Variants in HS6ST3 observed in about 807,000 individuals in gnomAD.
HS6ST3 encodes the protein heparan-sulfate 6-O-sulfotransferase 3.
In HS6ST3, 12 loss-of-function variants were observed where a neutral mutation model predicts 36.7. That is an observed-to-expected ratio of 0.33 (90% confidence interval 0.21 to 0.53). The LOEUF is 0.53. HS6ST3 is among the 20% of genes least tolerant of loss of function. The probability of loss-of-function intolerance (pLI) is 0.95; values close to 1 mark genes in which losing one functional copy is unlikely to be tolerated. For missense variants in HS6ST3, 584 were observed against 640.9 expected, an observed-to-expected ratio of 0.91 and a Z score of 0.96; for synonymous variants, 240 against 257.5, an observed-to-expected ratio of 0.93 and a Z score of 0.65.
chr13:96,766,598 C>T (rs1330157776), intron 1 of HS6ST3, among the ~76,000 whole-genome samples: 3 of 152,140 alleles, frequency 2.0e-5, no homozygotes, highest in Admixed American at 6.5e-5. Flanking sequence ...GGAATCCTTT[C>T]ACTTGTAATC....
rs185765085 is a variant in HS6ST3, at chr13:96,558,219, C to T, written c.708-274271C>T. Among the ~76,000 whole-genome samples the T allele has an allele frequency of 3.8e-3, 575 of 152,234 alleles. 2 individuals carry two copies. The highest frequency in any genetic ancestry group is 0.02 in the Middle Eastern group (6 of 294). On this transcript the variant is annotated intron_variant, in intron 1 of 1. Transcript: ENST00000376705. ...ACCCATTCTTTGGGGAAAAAAAGTA[C>T]AGTTACAGCTTTAATTATCACCTAG...
chr13:96,373,943 T>A (rs935048535), intron 1 of HS6ST3, among the ~76,000 whole-genome samples: 2 of 152,168 alleles, frequency 1.3e-5, no homozygotes, highest in South Asian at 4.1e-4. Context: ...CCTTTTAGGG[T>A]TTGGACTATG....
At chr13:96,351,335 T>TTTTTTTTTTTTAAAA (rs1203595829) in intron 1 of HS6ST3, among the ~76,000 whole-genome samples, 1 of 146,366 alleles carries the variant, frequency 6.8e-6, no homozygotes, top group African/African-American at 2.6e-5. Flanking sequence ...TTTTTTTTTT[T>TTTTTTTTTTTTAAAA]AAAAAAAACA....
In HS6ST3 at chr13:96,833,061, C is replaced by T; in HGVS notation, c.1279C>T (p.His427Tyr). 1.2e-6 allele frequency: 2 copies of T among 1,613,108 alleles called. No homozygotes were observed. Among genetic ancestry groups the T allele is most frequent in the Non-Finnish European group, 1.7e-6 (2 of 1,180,004 alleles). ...QRYHHTKQLE[H>Y]QRDRQKRREE... Reference sequence around the variant, plus strand: ...CTACCACCACACCAAGCAGCTAGAGCACCAGAGGGACCGCCAGAAGCGGCG... The same window carrying T: ...CTACCACCACACCAAGCAGCTAGAGTACCAGAGGGACCGCCAGAAGCGGCG... The change falls in exon 2 of 2, where the codon CAC (histidine) becomes TAC (tyrosine). Residue 427 changes from histidine (H) to tyrosine (Y), a missense_variant. Physicochemically the swap from His to Tyr is moderately conservative, Grantham distance 83. Coordinates refer to ENST00000376705, the MANE Select transcript of HS6ST3 (RefSeq NM_153456.4).
chr13:96,290,776 G>C (rs986279089), intron 1 of HS6ST3, among the ~76,000 whole-genome samples: 1 of 152,168 alleles, frequency 6.6e-6, no homozygotes, highest in Non-Finnish European at 1.5e-5. Flanking sequence ...AAAAGCTAAA[G>C]TCCTTAAAAT....
At chr13:96,721,400 T>C (rs542943612) in intron 1 of HS6ST3, among the ~76,000 whole-genome samples, 1 of 152,304 alleles carries the variant, frequency 6.6e-6, no homozygotes, top group East Asian at 1.9e-4. Flanking sequence ...TTAATTAGAA[T>C]GTTTGCATAA....
At chr13:96,723,410 C>T (rs1875903630) in intron 1 of HS6ST3, among the ~76,000 whole-genome samples, 1 of 152,166 alleles carries the variant, frequency 6.6e-6, no homozygotes. Flanking sequence ...CTCCTGATGA[C>T]TCTACAGAGC....
intron 1 of HS6ST3, among the ~76,000 whole-genome samples, chr13:96,119,808 T>C (rs895174862): frequency 2.6e-5 from 4 of 151,516 alleles, no homozygotes; most frequent in Non-Finnish European, 5.9e-5. Flanking sequence ...TGAGGACTAA[T>C]GAGTCCTAAA....
At chr13:96,545,504 G>A (rs1233353447) in intron 1 of HS6ST3, among the ~76,000 whole-genome samples, 1 of 152,112 alleles carries the variant, frequency 6.6e-6, no homozygotes, top group Admixed American at 6.6e-5. Flanking sequence ...AAGAAGAGTG[G>A]GGTAACTCAG....
chr13:96,120,759 T>C (rs1299746497), intron 1 of HS6ST3, among the ~76,000 whole-genome samples: 1 of 152,212 alleles, frequency 6.6e-6, no homozygotes, highest in Non-Finnish European at 1.5e-5. Flanking sequence ...TAAATTTCTG[T>C]GTATGGAGCT....
Position 96,833,771 on chromosome 13 carries a change from T to C in HS6ST3, c.*573T>C, listed in dbSNP as rs1250190661. The C allele has an allele frequency of 6.6e-6, 1 of 152,506 alleles. No homozygotes were observed. The highest frequency in any genetic ancestry group is 6.5e-5 in the Admixed American group (1 of 15,306). 9.4% of individuals were successfully genotyped at this position (152,506 alleles called of 1,614,324 possible). ...AACGTGTTTTGTTGTTGCAGTTGTTTTGAAACAAAATTATCCTATTATTGA... is the reference window on the plus strand; with the variant it reads ...AACGTGTTTTGTTGTTGCAGTTGTTCTGAAACAAAATTATCCTATTATTGA... On this transcript the variant is annotated 3_prime_UTR_variant, in exon 2 of 2. Transcript: ENST00000376705.
intron 1 of HS6ST3, among the ~76,000 whole-genome samples, chr13:96,357,192 CATATTGACG>C (rs1157920686): frequency 1.3e-5 from 2 of 152,182 alleles, no homozygotes; most frequent in East Asian, 3.9e-4. Context: ...AAACTTTCTT[CATATTGACG>C]ATAAAACTGT....
At chr13:96,653,117 T>A (rs1023231179) in intron 1 of HS6ST3, among the ~76,000 whole-genome samples, 1 of 152,220 alleles carries the variant, frequency 6.6e-6, no homozygotes, top group South Asian at 2.1e-4. Flanking sequence ...AACTTCACTG[T>A]ATTATTCAGC....
chr13:96,683,538 G>A (rs1161521256), intron 1 of HS6ST3, among the ~76,000 whole-genome samples: 4 of 151,976 alleles, frequency 2.6e-5, no homozygotes. Flanking sequence ...CTTCGTCTCA[G>A]GCAAGTGCTA....
chr13:96,433,141 A>G (rs2055624213), intron 1 of HS6ST3, among the ~76,000 whole-genome samples: 1 of 152,208 alleles, frequency 6.6e-6, no homozygotes, highest in South Asian at 2.1e-4. Flanking sequence ...TAATAATTGA[A>G]TGATAATAAA....
intron 1 of HS6ST3, among the ~76,000 whole-genome samples, chr13:96,618,609 G>A (rs548261468): frequency 3.0e-4 from 45 of 152,246 alleles, no homozygotes; most frequent in African/African-American, 1.0e-3. Flanking sequence ...AACTTACGGA[G>A]GGCTCTCAAT....
intron 1 of HS6ST3, among the ~76,000 whole-genome samples, chr13:96,694,748 G>T (rs1875073417): frequency 6.6e-6 from 1 of 152,006 alleles, no homozygotes; most frequent in Admixed American, 6.6e-5. Flanking sequence ...GCATGAAATG[G>T]TATCTCATTG....
At chr13:96,580,901 G>A (rs2056339649) in intron 1 of HS6ST3, among the ~76,000 whole-genome samples, 1 of 151,960 alleles carries the variant, frequency 6.6e-6, no homozygotes, top group African/African-American at 2.4e-5. Context: ...GGATCTCTGA[G>A]TTTTAATAAT....
At chr13:96,616,416 A>G (rs946790043) in intron 1 of HS6ST3, among the ~76,000 whole-genome samples, 1 of 152,088 alleles carries the variant, frequency 6.6e-6, no homozygotes, top group African/African-American at 2.4e-5. Context: ...CTGTGTTCCT[A>G]TTTGGAAAAA....
Sources: gnomAD v4.1 joint callset for allele counts (sites outside exome capture counted in the v4.1 genomes callset) on GRCh38, gnomAD v4.1.1 for gene constraint, MANE v1.5 for transcripts, NCBI Gene and HGNC (gene_info 2026-07-23, HGNC 2026-07-21) for gene names.